The following KCNAB1 variants were observed in gnomAD, a reference collection of about 807,000 sequenced individuals.
KCNAB1 encodes the protein voltage-gated potassium channel subunit beta-1.
Under a neutral mutation model 64.6 loss-of-function variants are expected in KCNAB1, and 35 were observed. The ratio of observed to expected loss-of-function variants is 0.54; its 90% confidence interval spans 0.41 to 0.72. The LOEUF (loss-of-function observed/expected upper bound fraction) is 0.72, where lower values mean the gene tolerates loss of function less well. KCNAB1 is among the 30% of genes least tolerant of loss of function. The pLI is 0.00. For missense variants in KCNAB1, 401 were observed against 512.9 expected (o/e 0.78, Z 2.11); for synonymous variants, 177 against 183.8 (o/e 0.96, Z 0.30).
rs907628409 is a variant in KCNAB1, at chr3:156,240,458, A to G, written c.275+119572A>G. Among the ~76,000 whole-genome samples, 22 of 152,164 alleles carry G rather than the reference A, an allele frequency of 1.4e-4. 1 individual carries two copies. Among genetic ancestry groups the G allele is most frequent in the Admixed American group, 1.4e-3 (22 of 15,286 alleles). On this transcript the variant is annotated intron_variant, in intron 1 of 13. Transcript: ENST00000490337. Reference sequence around the variant, plus strand: ...AAAATACACAATTCCTGGTCCCAACATGTTCGTTCTCCTGACTCCCTCTCC... The same window carrying G: ...AAAATACACAATTCCTGGTCCCAACGTGTTCGTTCTCCTGACTCCCTCTCC...
At chr3:156,328,934 T>C (rs1723156463) in intron 1 of KCNAB1, among the ~76,000 whole-genome samples, 1 of 152,172 alleles carries the variant, frequency 6.6e-6, no homozygotes, top group Non-Finnish European at 1.5e-5. Flanking sequence ...TATCAACTTA[T>C]TATAGTATAT....
At position 156,152,779 on chromosome 3, in the gene KCNAB1, C is replaced by T. The variant is rs532719832; in HGVS notation, c.275+31893C>T. On this transcript the variant is annotated intron_variant, in intron 1 of 13. Transcript: ENST00000490337. ...TATAACTCAGTGCATAGTGACAATA[C>T]ATGCCTCTAGAAGCTAGTTACGGTT... Among the ~76,000 whole-genome samples, 13 of 152,330 alleles carry T rather than the reference C, an allele frequency of 8.5e-5. No individual in the cohort carries two copies. In the South Asian group the frequency reaches 2.7e-3, roughly 32 times the overall value.
intron 7 of KCNAB1, among the ~76,000 whole-genome samples, chr3:156,469,393 AC>A (rs903908096): frequency 6.6e-6 from 1 of 151,196 alleles, no homozygotes; most frequent in African/African-American, 2.4e-5. Flanking sequence ...GGTAGCTGGG[AC>A]TACAGTCATG....
chr3:156,338,303 C>CTTTTTTTTTTTTTTTT (rs34671816), intron 1 of KCNAB1, among the ~76,000 whole-genome samples: 1,243 of 39,444 alleles, frequency 0.032, 345 homozygotes, highest in Non-Finnish European at 0.045. Flanking sequence ...GGCATTTGCA[C>CTTTTTTTTTTTTTTTT]TTTTTTTTTT....
At chr3:156,256,484 A>T (rs1381862485) in intron 1 of KCNAB1, among the ~76,000 whole-genome samples, 1 of 152,082 alleles carries the variant, frequency 6.6e-6, no homozygotes, top group Non-Finnish European at 1.5e-5. Flanking sequence ...TTAATGGAGG[A>T]GGTGGTTTCC....
intron 1 of KCNAB1, among the ~76,000 whole-genome samples, chr3:156,290,020 T>C (rs1479372520): frequency 3.9e-5 from 6 of 152,206 alleles, no homozygotes; most frequent in African/African-American, 1.4e-4. Flanking sequence ...CATGAGCTTC[T>C]TGAGGGCCCA....
chr3:156,279,244 A>G (rs1279650105), intron 1 of KCNAB1, among the ~76,000 whole-genome samples: 2 of 150,516 alleles, frequency 1.3e-5, no homozygotes, highest in Non-Finnish European at 3.0e-5. Context: ...GCGATAGTTT[A>G]CTGAGAATGA....
At chr3:156,438,409 T>C (rs558303547) in intron 2 of KCNAB1, among the ~76,000 whole-genome samples, 15 of 152,378 alleles carry the variant, frequency 9.8e-5, no homozygotes, top group African/African-American at 3.6e-4. Context: ...TTGAATGTTT[T>C]AGTCTATTCA....
At position 156,398,731 on chromosome 3, in the gene KCNAB1, AT is replaced by A. The variant is rs1350766639; in HGVS notation, c.276-22884del. ...TATCCCAGAACTTAAAGTTATATATATATATATATTTACTAATTAAAAAAAT... is the reference window on the plus strand; with the variant it reads ...TATCCCAGAACTTAAAGTTATATATAATATATATTTACTAATTAAAAAAAT... On this transcript the variant is annotated intron_variant, in intron 1 of 13. Transcript: ENST00000490337. Among the ~76,000 whole-genome samples the A allele has an allele frequency of 5.3e-5, 8 of 151,788 alleles. No homozygotes were observed. The East Asian group carries it at 1.5e-3, about 29-fold the overall frequency.
chr3:156,143,275 G>A (rs1475692910), intron 1 of KCNAB1: 1 of 1,613,980 alleles, frequency 6.2e-7, no homozygotes, highest in Admixed American at 1.7e-5. Flanking sequence ...ATGGCACCTA[G>A]CAGTGACCAA....
At chr3:156,155,728 T>G (rs1207849591) in intron 1 of KCNAB1, among the ~76,000 whole-genome samples, 1 of 152,120 alleles carries the variant, frequency 6.6e-6, no homozygotes, top group Non-Finnish European at 1.5e-5. Flanking sequence ...AGGGGAGAAT[T>G]GAAAGTTCAG....
At chr3:156,293,244 T>C (rs1720567278) in intron 1 of KCNAB1, among the ~76,000 whole-genome samples, 3 of 152,254 alleles carry the variant, frequency 2.0e-5, no homozygotes, top group Admixed American at 2.0e-4. Flanking sequence ...GTGCTTCTAG[T>C]TTCTAAAAGT....
At chr3:156,487,303 C>G (rs905681253) in intron 8 of KCNAB1, among the ~76,000 whole-genome samples, 1 of 152,104 alleles carries the variant, frequency 6.6e-6, no homozygotes, top group Non-Finnish European at 1.5e-5. Flanking sequence ...CCCCACATAC[C>G]CTCCTTGGGA....
intron 1 of KCNAB1, among the ~76,000 whole-genome samples, chr3:156,285,424 T>C (rs186992732): frequency 5.3e-4 from 80 of 152,284 alleles, no homozygotes; most frequent in African/African-American, 1.9e-3. Flanking sequence ...CTCAGTGCTA[T>C]GTCCAGGTTC....
Position 156,474,810 on chromosome 3 carries a change from T to C in KCNAB1, c.648T>C (p.Thr216=), listed in dbSNP as rs1400605952. 1 of 1,612,074 alleles carries C rather than the reference T, an allele frequency of 6.2e-7. No individual in the cohort carries two copies. Among genetic ancestry groups the C allele is most frequent in the South Asian group, 1.1e-5 (1 of 91,038 alleles). The change falls in exon 8 of 14, where the codon ACT becomes ACC. Residue 216 remains threonine (T), a synonymous_variant. Coordinates refer to ENST00000490337, the MANE Select transcript of KCNAB1 (RefSeq NM_172160.3). ...VVFANRPDSN[T]PMEEIVRAMT... is the part of the protein sequence containing the mutation. ...TTGCAAATCGACCGGACAGTAACAC[T>C]CCCATGGAAGGTAAGTTAAGAAAGC...
upstream of KCNAB1, chr3:156,120,473 G>A: frequency 2.1e-6 from 2 of 964,388 alleles, no homozygotes; most frequent in Non-Finnish European, 1.6e-6. Flanking sequence ...CACAGACTGG[G>A]CTCAATTACA....
chr3:156,347,280 G>A (rs909017270), intron 1 of KCNAB1, among the ~76,000 whole-genome samples: 1 of 152,222 alleles, frequency 6.6e-6, no homozygotes, highest in African/African-American at 2.4e-5. Flanking sequence ...AATCCCAGAA[G>A]AAATGAGATC....
chr3:156,337,077 A>G (rs963547064), intron 1 of KCNAB1, among the ~76,000 whole-genome samples: 3 of 152,222 alleles, frequency 2.0e-5, no homozygotes, highest in South Asian at 2.1e-4. Context: ...TTTGCTACCA[A>G]TTGTACTAAG....
At chr3:156,407,978 T>C (rs565910383) in intron 1 of KCNAB1, among the ~76,000 whole-genome samples, 6 of 152,232 alleles carry the variant, frequency 3.9e-5, no homozygotes, top group South Asian at 4.1e-4. Context: ...AGGACTGAGA[T>C]GAGTGACAGT....
Sources: gnomAD v4.1 joint callset for allele counts (sites outside exome capture counted in the v4.1 genomes callset) on GRCh38, gnomAD v4.1.1 for gene constraint, MANE v1.5 for transcripts, NCBI Gene and HGNC (gene_info 2026-07-23, HGNC 2026-07-21) for gene names.